PEAK1: variants seen among roughly 807,000 people sequenced by gnomAD.
PEAK1 encodes inactive tyrosine-protein kinase PEAK1.
Under a neutral mutation model 124.7 loss-of-function variants are expected in PEAK1, and 54 were observed. The ratio of observed to expected loss-of-function variants is 0.43; its 90% CI spans 0.35 to 0.54. The LOEUF (loss-of-function observed/expected upper bound fraction) is 0.54. Among genes scored for constraint, PEAK1 ranks in the 20% least tolerant of loss-of-function variants. PEAK1 has a pLI of 0.01. For synonymous variants in PEAK1, 719 were observed against 760.0 expected (o/e 0.95, Z 0.89); for missense variants, 2,046 against 2,134.5 (o/e 0.96, Z 0.82).
intron 5 of PEAK1, among the ~76,000 whole-genome samples, chr15:77,268,135 C>T (rs562671544): frequency 1.1e-4 from 17 of 152,142 alleles, no homozygotes; most frequent in African/African-American, 2.2e-4. Flanking sequence ...ACAAGGCTTT[C>T]GAATTAACCC....
At position 77,179,357 on chromosome 15, in the gene PEAK1, T is replaced by C. The variant is rs367860750; in HGVS notation, c.2570A>G (p.Lys857Arg). Residue 857 changes from lysine (K) to arginine (R), a missense_variant, in exon 7 of 10, where the codon AAA becomes AGA. Lys to Arg is a conservative substitution (Grantham distance 26). Coordinates refer to ENST00000682557, the MANE Select transcript of PEAK1 (RefSeq NM_001385026.1). ...SIKPVTPSPSKLVTSPQSEPP... is the reference protein window; with the variant it reads ...SIKPVTPSPSRLVTSPQSEPP... Reference sequence around the variant, plus strand: ...CTCACTTTGGGGGCTAGTCACTAATTTGGAGGGAGAGGGGGTGACTGGCTT... The same window carrying C: ...CTCACTTTGGGGGCTAGTCACTAATCTGGAGGGAGAGGGGGTGACTGGCTT... 4.6e-5 allele frequency: 74 copies of C among 1,613,526 alleles called. No homozygotes were observed. In the African/African-American group the frequency reaches 8.8e-4, roughly 19 times the overall value.
intron 7 of PEAK1, among the ~76,000 whole-genome samples, chr15:77,172,650 C>T (rs1427860343): frequency 6.6e-6 from 1 of 152,136 alleles, no homozygotes; most frequent in African/African-American, 2.4e-5. Flanking sequence ...TTGAGAAAAC[C>T]ATCATACTTT....
chr15:77,137,868 C>T (rs1469772744), intron 8 of PEAK1, among the ~76,000 whole-genome samples: 1 of 152,060 alleles, frequency 6.6e-6, no homozygotes, highest in East Asian at 1.9e-4. Context: ...GTGTCCCCAC[C>T]CAAATTTCAT....
intron 2 of PEAK1, among the ~76,000 whole-genome samples, chr15:77,315,858 A>G (rs2064839151): frequency 1.3e-5 from 2 of 152,090 alleles, no homozygotes; most frequent in Admixed American, 1.3e-4. Flanking sequence ...TGAAAACTAA[A>G]TGTAAGTGTG....
Position 77,386,280 on chromosome 15 carries a change from T to C in PEAK1, c.-665-21055A>G, listed in dbSNP as rs144608897. 4.6e-5 allele frequency among the ~76,000 whole-genome samples: 7 copies of C among 152,202 alleles called. 1 individual carries two copies. The highest frequency in any genetic ancestry group is 4.6e-4 in the Admixed American group (7 of 15,284). On this transcript the variant is annotated intron_variant, in intron 1 of 9. Transcript: ENST00000682557. ...CTTTGTTCTTAATTACCTCTTATAC[T>C]GAAGTTATTATTAGAATGAGCATCC... is the stretch of plus-strand genomic sequence containing the variant.
intron 6 of PEAK1, among the ~76,000 whole-genome samples, chr15:77,224,194 A>G (rs1411717911): frequency 6.6e-6 from 1 of 151,836 alleles, no homozygotes; most frequent in Non-Finnish European, 1.5e-5. Context: ...CAAAAGACTG[A>G]GATATTTTCT....
chr15:77,122,498 C>A (rs146697336), intron 9 of PEAK1, among the ~76,000 whole-genome samples: 1 of 152,294 alleles, frequency 6.6e-6, no homozygotes, highest in Non-Finnish European at 1.5e-5. Context: ...TCAGGGCCCA[C>A]ATTAGGAATT....
At chr15:77,225,657 G>T (rs1245757305) in intron 6 of PEAK1, among the ~76,000 whole-genome samples, 33 of 91,474 alleles carry the variant, frequency 3.6e-4, no homozygotes, top group South Asian at 1.7e-3. Context: ...GTGTGTGTGT[G>T]TGTATAATTT....
intron 1 of PEAK1, among the ~76,000 whole-genome samples, chr15:77,405,108 C>T (rs1371003375): frequency 1.3e-5 from 2 of 151,772 alleles, no homozygotes; most frequent in Non-Finnish European, 2.9e-5. Flanking sequence ...CGGGTTCAAG[C>T]GATTCCCCTG....
intron 5 of PEAK1, among the ~76,000 whole-genome samples, chr15:77,271,437 C>T (rs1211364966): frequency 6.6e-6 from 1 of 152,076 alleles, no homozygotes; most frequent in Non-Finnish European, 1.5e-5. Context: ...TGGGTATATA[C>T]CCAAAGGATT....
intron 2 of PEAK1, among the ~76,000 whole-genome samples, chr15:77,327,599 A>G (rs2065653763): frequency 6.6e-6 from 1 of 152,102 alleles, no homozygotes; most frequent in African/African-American, 2.4e-5. Context: ...AATAAAATAT[A>G]CTAAGACCTA....
At chr15:77,192,773 T>C (rs1333641979) in intron 6 of PEAK1, among the ~76,000 whole-genome samples, 1 of 152,058 alleles carries the variant, frequency 6.6e-6, no homozygotes, top group African/African-American at 2.4e-5. Context: ...CCATTGCTAA[T>C]AAGATTTGTA....
At chr15:77,149,168 C>G (rs1167645832) in intron 8 of PEAK1, among the ~76,000 whole-genome samples, 4 of 152,156 alleles carry the variant, frequency 2.6e-5, no homozygotes, top group African/African-American at 9.7e-5. Flanking sequence ...AAACCTAAAT[C>G]CCATGGATCC....
intron 1 of PEAK1, among the ~76,000 whole-genome samples, chr15:77,411,061 T>A (rs1447959410): frequency 1.3e-5 from 2 of 152,202 alleles, no homozygotes; most frequent in Non-Finnish European, 2.9e-5. Context: ...GTAATTATTT[T>A]TAAAATTCTA....
chr15:77,151,416 T>C (rs1416440136), intron 8 of PEAK1, among the ~76,000 whole-genome samples: 2 of 152,232 alleles, frequency 1.3e-5, no homozygotes, highest in Non-Finnish European at 2.9e-5. Flanking sequence ...ATTAGCCCTT[T>C]GTCAGATGAA....
chr15:77,249,009 T>C (rs147307710), intron 6 of PEAK1, among the ~76,000 whole-genome samples: 22 of 152,076 alleles, frequency 1.4e-4, no homozygotes, highest in African/African-American at 5.1e-4. Context: ...TTTTGGTAGA[T>C]TCGGGGTTTC....
intron 7 of PEAK1, among the ~76,000 whole-genome samples, chr15:77,171,768 A>G (rs1314689026): frequency 6.6e-6 from 1 of 152,218 alleles, no homozygotes; most frequent in Non-Finnish European, 1.5e-5. Flanking sequence ...CATTATATGT[A>G]TTGCAACATC....
chr15:77,299,133 C>G (rs1364497165), intron 2 of PEAK1, among the ~76,000 whole-genome samples: 1 of 152,156 alleles, frequency 6.6e-6, no homozygotes, highest in Non-Finnish European at 1.5e-5. Flanking sequence ...TAATTCTTTC[C>G]ACAATCTCTT....
chr15:77,219,690 G>C (rs967544442), intron 6 of PEAK1, among the ~76,000 whole-genome samples: 1 of 151,978 alleles, frequency 6.6e-6, no homozygotes, highest in African/African-American at 2.4e-5. Context: ...GTGAAGACTG[G>C]AAAAAGAATA....
Sources: gnomAD v4.1 joint callset for allele counts (sites outside exome capture counted in the v4.1 genomes callset) on GRCh38, gnomAD v4.1.1 for gene constraint, MANE v1.5 for transcripts, NCBI Gene and HGNC (gene_info 2026-07-23, HGNC 2026-07-21) for gene names.